The following SBF1 variants were observed in gnomAD, a reference collection of about 807,000 sequenced individuals.
The protein encoded by SBF1 is SET binding factor 1.
A neutral mutation model predicts 215.8 loss-of-function variants in SBF1; 65 were observed. The ratio of observed to expected loss-of-function variants is 0.30; its 90% confidence interval spans 0.25 to 0.37. SBF1 has a LOEUF of 0.37. Among genes scored for constraint, SBF1 ranks in the 10% least tolerant of loss-of-function variants. SBF1 has a pLI of 1.00. For synonymous variants in SBF1, 1,410 were observed against 1,122.8 expected, an observed-to-expected ratio of 1.26 and a Z score of -5.11; for missense variants, 2,634 against 2,667.8, an observed-to-expected ratio of 0.99 and a Z score of 0.28.
At chr22:50,459,111 C>G (rs569406980) in intron 28 of SBF1, 144 bp downstream of exon 28, 5 of 1,268,346 alleles carry the variant, frequency 3.9e-6, no homozygotes, top group Admixed American at 5.5e-5. Context: ...CCACGGCACC[C>G]GGAGGGCATG....
intron 39 of SBF1, 24 bp from the exon 40 acceptor site, chr22:50,447,477 G>A (rs370886791): frequency 2.4e-4 from 385 of 1,611,824 alleles, no homozygotes; most frequent in South Asian, 4.0e-4. Flanking sequence ...CAGAGTCAGC[G>A]GAGCCCCCTC....
intron 1 of SBF1, among the ~76,000 whole-genome samples, chr22:50,473,675 G>A (rs1296976881): frequency 2.0e-5 from 3 of 152,116 alleles, no homozygotes; most frequent in African/African-American, 7.2e-5. Context: ...CCAGGTCCTT[G>A]GTGGGGACAG....
intron 5 of SBF1, 192 bp downstream of exon 5, chr22:50,467,146 C>A (rs1259499256): frequency 3.3e-5 from 20 of 603,778 alleles, no homozygotes; most frequent in Non-Finnish European, 5.0e-5. Flanking sequence ...CTGAACGACA[C>A]AGGCCCAGAG....
chr22:50,446,618 C>T lies in SBF1; in HGVS notation c.*524G>A, dbSNP rs542111425. 30 of 350,598 alleles carry T rather than the reference C, an allele frequency of 8.6e-5. No homozygotes were observed. The highest frequency in any genetic ancestry group is 2.3e-4 in the East Asian group (3 of 13,244). 21.7% of individuals were successfully genotyped at this position (350,598 alleles called of 1,614,324 possible). A position where few individuals can be genotyped will look rare whatever the true frequency, so the allele number is the denominator to read the frequency against. ...CAAGTCCCCAGTGAAGCCTCCTGCT[C>T]GATCCGCCCCCAGAGCAAAGTCACT... On this transcript the variant is annotated 3_prime_UTR_variant, in exon 41 of 41. Transcript: ENST00000380817.
chr22:50,462,462 C>T lies in SBF1; in HGVS notation c.2139G>A (p.Glu713=), dbSNP rs767851223. The change falls in exon 19 of 41, where the codon GAG becomes GAA. Residue 713 remains glutamate (E), a synonymous_variant. Coordinates refer to ENST00000380817, the MANE Select transcript of SBF1 (RefSeq NM_002972.4). ...EDLAPAQEVG[E]APSQEDERSA... ...AGCGCTCGTCCTCCTGGGAAGGTGC[C>T]TCCCCAACCTCCTGCCACGGCACCA... is the stretch of plus-strand genomic sequence containing the variant. 4 of 1,613,572 alleles carry T rather than the reference C, an allele frequency of 2.5e-6. No homozygotes were observed. Among genetic ancestry groups the T allele is most frequent in the African/African-American group, 2.7e-5 (2 of 75,050 alleles).
At chr22:50,459,912 C>A in intron 26 of SBF1, 40 bp downstream of exon 26, 1 of 1,597,326 alleles carries the variant, frequency 6.3e-7, no homozygotes, top group Non-Finnish European at 8.6e-7. Flanking sequence ...GACACCCAGT[C>A]ACGTGTCCAC....
rs2067258775 is a variant in SBF1, at chr22:50,456,548, A to T, written c.4030T>A (p.Phe1344Ile). 1 of 1,588,690 alleles carries T rather than the reference A, an allele frequency of 6.3e-7. No homozygotes were observed. Among genetic ancestry groups the T allele is most frequent in the South Asian group, 1.1e-5 (1 of 87,296 alleles). Residue 1344 changes from phenylalanine (F) to isoleucine (I), a missense_variant, in exon 30 of 41, where the codon TTC becomes ATC. Physicochemically the swap from Phe to Ile is conservative, Grantham distance 21. Transcript: ENST00000380817. ...AGGGCTGCTCGCTGCGGACGCAGGA[A>T]GCCCGGGTCGGGAGGGCCCCCGTTG... The part of the protein sequence containing the change: ...QANGGPPDPG[F>I]LRPQRAALYI...
chr22:50,462,808 G>A (rs1350422166), intron 17 of SBF1, 62 bp downstream of exon 17: 6 of 1,605,412 alleles, frequency 3.7e-6, no homozygotes, highest in Non-Finnish European at 5.1e-6. Context: ...GGGCTGGGAA[G>A]GAGACCTCAG....
chr22:50,448,282 T>G lies in SBF1; in HGVS notation c.5314A>C (p.Ser1772Arg), dbSNP rs1482323429. The G allele has an allele frequency of 8.7e-6, 14 of 1,612,964 alleles. No individual in the cohort carries two copies. Among genetic ancestry groups the G allele is most frequent in the African/African-American group, 1.3e-5 (1 of 74,922 alleles). The change falls in exon 38 of 41, where the codon AGC becomes CGC. Residue 1772 changes from serine (S) to arginine (R), a missense_variant. Ser to Arg is a moderately radical substitution (Grantham distance 110). Transcript: ENST00000380817. Reference protein sequence around the residue: ...TSGSRQAARRSTSTLYSQFQT... With the variant: ...TSGSRQAARRRTSTLYSQFQT... Reference sequence around the variant, plus strand: ...AACTGGCTGTACAGGGTGCTGGTGCTGCGGCGGGCAGCCTGACGGGAGCCG... The same window carrying G: ...AACTGGCTGTACAGGGTGCTGGTGCGGCGGCGGGCAGCCTGACGGGAGCCG...
chr22:50,463,033 A>G lies in SBF1; in HGVS notation c.1900-95T>C. 5 of 1,301,742 alleles carry G rather than the reference A, an allele frequency of 3.8e-6. 1 individual carries two copies. In the South Asian group the frequency reaches 6.3e-5, roughly 16 times the overall value. 80.6% of individuals were successfully genotyped at this position (1,301,742 alleles called of 1,614,324 possible). A position where few individuals can be genotyped will look rare whatever the true frequency, so the allele number is the denominator to read the frequency against. Reference sequence around the variant, plus strand: ...CACCACCCCATAACCACCACAGACCAGCACCTGACACCCTTGGCTCCAGCT... The same window carrying G: ...CACCACCCCATAACCACCACAGACCGGCACCTGACACCCTTGGCTCCAGCT... On this transcript the variant is annotated intron_variant, in intron 16 of 40. Coordinates refer to ENST00000380817, the MANE Select transcript of SBF1 (RefSeq NM_002972.4).
Position 50,466,332 on chromosome 22 carries a change from G to A in SBF1, c.788+18C>T, listed in dbSNP as rs1369012194. 7.6e-6 allele frequency: 12 copies of A among 1,589,236 alleles called. No homozygotes were observed. The highest frequency in any genetic ancestry group is 1.0e-5 in the Non-Finnish European group (12 of 1,167,806). ...AAGGGGCCAGGAGAAGGGGCTGGGA[G>A]GGCCGGGCAGGGGTCACCTGTATCT... On this transcript the variant is annotated intron_variant, in intron 7 of 40. Transcript: ENST00000380817.
At chr22:50,452,942 T>C (rs918634637) in intron 36 of SBF1, among the ~76,000 whole-genome samples, 3 of 151,378 alleles carry the variant, frequency 2.0e-5, no homozygotes, top group Non-Finnish European at 2.9e-5. Context: ...CAACTCACAG[T>C]AGACAGAATA....
rs569246879 is a variant in SBF1, at chr22:50,455,062, A to C, written c.4635T>G (p.Arg1545=). Residue 1545 remains arginine (R), a synonymous_variant, in exon 34 of 41, where the codon CGT becomes CGG. Transcript: ENST00000380817. The part of the protein sequence containing the change: ...KFLGYHHVSR[R]FRTFLLDSDY... The stretch of plus-strand genomic sequence containing the variant: ...CAGAGTCGAGCAGGAAGGTCCGGAA[A>C]CGGCGGGACACATGGTGGTAGCCGA... The C allele has an allele frequency of 5.7e-5, 92 of 1,614,120 alleles. No individual in the cohort carries two copies. In the African/African-American group the frequency reaches 1.2e-3, roughly 20 times the overall value.
At chr22:50,447,693 T>G in intron 38 of SBF1, 84 bp from the exon 39 acceptor site, 2 of 1,014,926 alleles carry the variant, frequency 2.0e-6, no homozygotes, top group Non-Finnish European at 3.0e-6. Context: ...CCCCTTGCTG[T>G]CCCAGCCCAG....
chr22:50,472,250 TC>T (rs2068022773), intron 1 of SBF1, among the ~76,000 whole-genome samples: 1 of 152,182 alleles, frequency 6.6e-6, no homozygotes, highest in Admixed American at 6.5e-5. Context: ...CTGAGAGGTT[TC>T]CAGCTGGTAA....
At chr22:50,467,981 C>T (rs1002712419) in intron 2 of SBF1, 58 bp from the exon 3 acceptor site, 7 of 1,588,156 alleles carry the variant, frequency 4.4e-6, no homozygotes, top group Non-Finnish European at 6.0e-6. Flanking sequence ...GGAACCAGCC[C>T]ACCCGCCCCA....
Position 50,465,792 on chromosome 22 carries a change from T to C in SBF1, c.1060A>G (p.Thr354Ala). ...ATCTTCAGGGAGGAGGTGGATGTCG[T>C]GGGCGGAGGGAAGGCGAGGTCAGCC... ...ELADLAFPPP[T>A]TSTSSLKMQD... Residue 354 changes from threonine to alanine, a missense_variant, in exon 10 of 41, where the codon ACG becomes GCG. By Grantham distance (58) the Thr-to-Ala change is moderately conservative (BLOSUM62 0). Coordinates refer to ENST00000380817, the MANE Select transcript of SBF1 (RefSeq NM_002972.4). 1 of 1,610,388 alleles carries C rather than the reference T, an allele frequency of 6.2e-7. No homozygotes were observed. The highest frequency in any genetic ancestry group is 2.2e-5 in the East Asian group (1 of 44,800).
chr22:50,464,874 T>A lies in SBF1; in HGVS notation c.1376A>T (p.His459Leu), dbSNP rs756495849. Residue 459 changes from histidine (H) to leucine (L), a missense_variant, in exon 13 of 41, where the codon CAC (histidine) becomes CTC (leucine). His to Leu is a moderately conservative substitution (Grantham distance 99, BLOSUM62 -3). Coordinates refer to ENST00000380817, the MANE Select transcript of SBF1 (RefSeq NM_002972.4). ...GACGTGACGCAGGACACGCTGGGGG[T>A]GGTTCTCATCCGCCCGCATCCTTGC... ...EVARMRADEN[H>L]PQRVLRHVQE... is the part of the protein sequence containing the mutation. 1 of 1,613,214 alleles carries A rather than the reference T, an allele frequency of 6.2e-7. No homozygotes were observed. The highest frequency in any genetic ancestry group is 8.5e-7 in the Non-Finnish European group (1 of 1,179,960).
chr22:50,457,140 G>C (rs2148576369), intron 28 of SBF1, 29 bp from the exon 29 acceptor site: 1 of 1,448,296 alleles, frequency 6.9e-7, no homozygotes, highest in Non-Finnish European at 9.1e-7. Flanking sequence ...GAAGGCTCAG[G>C]CCTAGCCCCA....
Sources: gnomAD v4.1 joint callset for allele counts (sites outside exome capture counted in the v4.1 genomes callset) on GRCh38, gnomAD v4.1.1 for gene constraint, MANE v1.5 for transcripts, NCBI Gene and HGNC (gene_info 2026-07-23, HGNC 2026-07-21) for gene names.